Variants in RNF180 observed in about 807,000 individuals in gnomAD.
RNF180 encodes the protein E3 ubiquitin-protein ligase RNF180.
RNF180 carries 38 observed loss-of-function variants against 59.2 expected under a neutral mutation model. The ratio of observed to expected loss-of-function variants is 0.64; its 90% CI spans 0.50 to 0.84. RNF180 has a LOEUF of 0.84. Ranked by LOEUF, RNF180 falls within the 40% of genes least tolerant of loss-of-function variation. The probability of loss-of-function intolerance (pLI) is 0.00; values close to 1 mark genes in which losing one functional copy is unlikely to be tolerated. For synonymous variants in RNF180, 262 were observed against 240.3 expected, an observed-to-expected ratio of 1.09 and a Z score of -0.84; for missense variants, 705 against 700.9, an observed-to-expected ratio of 1.01 and a Z score of -0.07.
At chr5:64,350,540 A>G (rs1191206008) in intron 7 of RNF180, among the ~76,000 whole-genome samples, 1 of 152,134 alleles carries the variant, frequency 6.6e-6, no homozygotes, top group East Asian at 1.9e-4. Context: ...TTATGGCTTT[A>G]GGTCTAACAT....
Position 64,242,726 on chromosome 5 carries a change from C to T in RNF180, c.1227+25330C>T, listed in dbSNP as rs956150882. 2.0e-5 allele frequency among the ~76,000 whole-genome samples: 3 copies of T among 152,154 alleles called. No homozygotes were observed. The East Asian group carries it at 5.8e-4, about 29-fold the overall frequency. On this transcript the variant is annotated intron_variant, in intron 5 of 7. Transcript: ENST00000389100. The stretch of plus-strand genomic sequence containing the variant: ...ATACAGGTAAAGGAAAGACAAAGAT[C>T]TCGAATCAGATTCAATCCAAGTAAG...
chr5:64,295,679 ACC>A (rs948784902), intron 5 of RNF180, among the ~76,000 whole-genome samples: 5 of 151,950 alleles, frequency 3.3e-5, no homozygotes, highest in Admixed American at 3.3e-4. Flanking sequence ...TTCTTGGGGA[ACC>A]CCAGGTAATG....
chr5:64,323,588 T>TTA (rs1744481849), intron 5 of RNF180, among the ~76,000 whole-genome samples: 1 of 152,136 alleles, frequency 6.6e-6, no homozygotes, highest in African/African-American at 2.4e-5. Context: ...ACTTATAGTA[T>TTA]GTTTTATATT....
At position 64,330,466 on chromosome 5, in the gene RNF180, A is replaced by G. The variant is rs373840879; in HGVS notation, c.1579+60A>G. The G allele has an allele frequency of 4.1e-5, 59 of 1,425,022 alleles. No homozygotes were observed. The South Asian group carries it at 4.7e-4, about 11-fold the overall frequency. The allele number at this position is 1,425,022 out of a possible 1,614,324, so 88.3% of individuals were successfully genotyped here. Reference sequence around the variant, plus strand: ...AATTTTGTCTAAGGTCTGTTCTTAAAAGTAACTTCCTGCTGTCTCAGAAAT... The same window carrying G: ...AATTTTGTCTAAGGTCTGTTCTTAAGAGTAACTTCCTGCTGTCTCAGAAAT... On this transcript the variant is annotated intron_variant, in intron 7 of 7. Transcript: ENST00000389100.
At chr5:64,267,396 C>T (rs975272346) in intron 5 of RNF180, among the ~76,000 whole-genome samples, 1 of 151,802 alleles carries the variant, frequency 6.6e-6, no homozygotes, top group African/African-American at 2.4e-5. Flanking sequence ...TACATGTGCA[C>T]ATTGTGCAGG....
intron 5 of RNF180, among the ~76,000 whole-genome samples, chr5:64,258,460 G>A (rs934304449): frequency 2.6e-5 from 4 of 152,114 alleles, no homozygotes; most frequent in Non-Finnish European, 4.4e-5. Flanking sequence ...ACAAATTTGA[G>A]AGAGACTGAG....
chr5:64,200,304 T>C (rs1751676278), intron 1 of RNF180, among the ~76,000 whole-genome samples: 2 of 151,904 alleles, frequency 1.3e-5, no homozygotes, highest in Admixed American at 1.3e-4. Flanking sequence ...AAATAAAAAA[T>C]ATTAGCCAAG....
At chr5:64,321,547 C>T (rs914884384) in intron 5 of RNF180, among the ~76,000 whole-genome samples, 4 of 152,132 alleles carry the variant, frequency 2.6e-5, no homozygotes, top group African/African-American at 9.7e-5. Context: ...AACGTTTCAT[C>T]CTCGTGGATA....
At chr5:64,173,450 A>G (rs987271618) in intron 1 of RNF180, among the ~76,000 whole-genome samples, 1 of 152,170 alleles carries the variant, frequency 6.6e-6, no homozygotes, top group African/African-American at 2.4e-5. Flanking sequence ...TATTACCTCA[A>G]AGATTTTTCA....
At position 64,372,830 on chromosome 5, in the gene RNF180, T is replaced by C. The variant is rs985608240; in HGVS notation, c.*3016T>C. On this transcript the variant is annotated 3_prime_UTR_variant, in exon 8 of 8. Coordinates refer to ENST00000389100, the MANE Select transcript of RNF180 (RefSeq NM_001113561.2). ...TCGAAGAACATTAAAGTTCTACCAA[T>C]GTAGAAGCATGAGGAATAAAAGATG... 2.0e-5 allele frequency: 3 copies of C among 151,948 alleles called. No individual in the cohort carries two copies. The highest frequency in any genetic ancestry group is 4.4e-5 in the Non-Finnish European group (3 of 67,932). 9.4% of individuals were successfully genotyped at this position (151,948 alleles called of 1,614,324 possible).
chr5:64,336,358 A>C (rs564197522), intron 7 of RNF180, among the ~76,000 whole-genome samples: 1 of 152,174 alleles, frequency 6.6e-6, no homozygotes, highest in South Asian at 2.1e-4. Flanking sequence ...TTAATGCTCT[A>C]CTAAGGTGTG....
At chr5:64,332,097 C>T (rs1250056453) in intron 7 of RNF180, among the ~76,000 whole-genome samples, 1 of 152,116 alleles carries the variant, frequency 6.6e-6, no homozygotes, top group South Asian at 2.1e-4. Context: ...CTGGCTTGCA[C>T]TTGGCAGATG....
intron 5 of RNF180, among the ~76,000 whole-genome samples, chr5:64,260,203 G>GC (rs1744246486): frequency 6.6e-6 from 1 of 150,530 alleles, no homozygotes; most frequent in African/African-American, 2.5e-5. Context: ...CTTGTGAACT[G>GC]TTTTCCCCCT....
rs142219747 is a variant in RNF180, at chr5:64,237,807, T to TTC, written c.1227+20425_1227+20426dup. On this transcript the variant is annotated intron_variant, in intron 5 of 7. Transcript: ENST00000389100. ...TGGTTGTTTGATAAATGTCTGGCAC[T>TTC]TCTCTCTCTCTCTCTGTCTCTCTCT... 9.3e-5 allele frequency among the ~76,000 whole-genome samples: 14 copies of TTC among 150,770 alleles called. No homozygotes were observed. In the East Asian group the frequency reaches 1.4e-3, roughly 15 times the overall value.
Position 64,330,378 on chromosome 5 carries a change from C to A in RNF180, c.1551C>A (p.Ser517Arg). The A allele has an allele frequency of 7.8e-6, 12 of 1,539,282 alleles. No individual in the cohort carries two copies. The highest frequency in any genetic ancestry group is 8.7e-6 in the Non-Finnish European group (10 of 1,144,246). ...ACTCTGCAAAATGGCCCCTACCAAG[C>A]TGCAGAAAAGCATTTCATCTTTTTG... is the stretch of plus-strand genomic sequence containing the variant. ...KSNSAKWPLP[S>R]CRKAFHLFGG... The change falls in exon 7 of 8, where the codon AGC (serine) becomes AGA (arginine). Residue 517 changes from serine (S) to arginine (R), a missense_variant. Ser to Arg is a moderately radical substitution (Grantham distance 110). Coordinates refer to ENST00000389100, the MANE Select transcript of RNF180 (RefSeq NM_001113561.2).
intron 1 of RNF180, among the ~76,000 whole-genome samples, chr5:64,179,771 C>T (rs1477359011): frequency 6.6e-6 from 1 of 152,148 alleles, no homozygotes; most frequent in Admixed American, 6.5e-5. Flanking sequence ...TAGAACTGCA[C>T]ATCCATGGAT....
At chr5:64,360,791 A>C (rs1188990045) in intron 7 of RNF180, among the ~76,000 whole-genome samples, 1 of 151,648 alleles carries the variant, frequency 6.6e-6, no homozygotes, top group Non-Finnish European at 1.5e-5. Flanking sequence ...ATGGTTTGTT[A>C]CTCACAGCGG....
At chr5:64,243,756 C>T (rs774527584) in intron 5 of RNF180, among the ~76,000 whole-genome samples, 1 of 152,182 alleles carries the variant, frequency 6.6e-6, no homozygotes, top group Non-Finnish European at 1.5e-5. Context: ...GACAGACTGC[C>T]TCCTCAAGTG....
chr5:64,200,795 A>G lies in RNF180; in HGVS notation c.1-13A>G, dbSNP rs776362688. 1.9e-5 allele frequency: 30 copies of G among 1,607,732 alleles called. No individual in the cohort carries two copies. Among genetic ancestry groups the G allele is most frequent in the Non-Finnish European group, 2.2e-5 (26 of 1,175,844 alleles). On this transcript the variant is annotated splice_polypyrimidine_tract_variant and intron_variant, in intron 1 of 7. Transcript: ENST00000389100. ...CAGTTTAACATTCTAAAAATGCACT[A>G]ATGTTTCCGCAGATGAAAAGAAGCA...
Sources: allele counts gnomAD v4.1 joint callset (sites outside exome capture counted in the v4.1 genomes callset), GRCh38; gene constraint gnomAD v4.1.1; transcripts MANE v1.5; gene names NCBI Gene and HGNC (gene_info 2026-07-23, HGNC 2026-07-21).